The following ZNF91 variants were observed in gnomAD, a reference collection of about 807,000 sequenced individuals.
ZNF91 encodes zinc finger protein 91 (HPF7, HTF10).
ZNF91 carries 7 observed loss-of-function variants against 12.6 expected under a neutral mutation model. The observed-to-expected ratio is 0.55, with a 90% confidence interval of 0.31 to 1.04. The LOEUF (loss-of-function observed/expected upper bound fraction) is 1.04. Among genes scored for constraint, ZNF91 ranks in the 50% least tolerant of loss-of-function variants. The probability of loss-of-function intolerance (pLI) is 0.05; values close to 1 mark genes in which losing one functional copy is unlikely to be tolerated. For synonymous variants in ZNF91, 453 were observed against 462.6 expected (o/e 0.98, Z 0.27); for missense variants, 1,217 against 1,385.4 (o/e 0.88, Z 1.93).
At chr19:23,352,816 C>T (rs149814651), downstream of ZNF91, among the ~76,000 whole-genome samples, 7 of 152,230 alleles carry the variant, frequency 4.6e-5, no homozygotes, top group South Asian at 4.1e-4. Context: ...TATTCTTATA[C>T]CAGACAAAAC....
intron 3 of ZNF91, among the ~76,000 whole-genome samples, chr19:23,350,410 T>G (rs751291722): frequency 9.9e-5 from 15 of 152,258 alleles, no homozygotes; most frequent in Middle Eastern, 3.4e-3. Flanking sequence ...CCATTAAAAC[T>G]CTTATTGAAA....
intron 3 of ZNF91, among the ~76,000 whole-genome samples, chr19:23,370,468 A>C (rs900372966): frequency 2.6e-5 from 4 of 152,208 alleles, no homozygotes; most frequent in African/African-American, 9.6e-5. Context: ...AGTCTTTTGC[A>C]TAACAATGTT....
chr19:23,381,507 G>C (rs985004679), intron 1 of ZNF91, among the ~76,000 whole-genome samples: 1 of 149,550 alleles, frequency 6.7e-6, no homozygotes, highest in Non-Finnish European at 1.5e-5. Flanking sequence ...CATTGCCCAG[G>C]CTGGAGTGCA....
intron 1 of ZNF91, among the ~76,000 whole-genome samples, chr19:23,316,685 A>G (rs529289644): frequency 1.3e-5 from 2 of 152,314 alleles, no homozygotes; most frequent in Non-Finnish European, 2.9e-5. Flanking sequence ...CATGCCACAC[A>G]TCAGCCAATA....
intron 2 of ZNF91, 64 bp from the exon 3 acceptor site, chr19:23,373,901 G>T: frequency 8.3e-7 from 1 of 1,199,516 alleles, no homozygotes; most frequent in Non-Finnish European, 1.2e-6. Context: ...ACTTAGTAAT[G>T]TGCTCAGTAA....
At chr19:23,338,179 T>A (rs1332404440), downstream of ZNF91, 1 of 151,906 alleles carries the variant, frequency 6.6e-6, no homozygotes, top group Non-Finnish European at 1.5e-5. Context: ...ATAAACAAAA[T>A]ATATTGCAAA....
At chr19:23,355,997 C>T (rs951705477), downstream of ZNF91, among the ~76,000 whole-genome samples, 2 of 152,108 alleles carry the variant, frequency 1.3e-5, no homozygotes, top group Admixed American at 6.6e-5. Context: ...GATCAAACAA[C>T]TAGATGTTGG....
chr19:23,370,083 CATT>C (rs1267517609), intron 3 of ZNF91, among the ~76,000 whole-genome samples: 1 of 150,680 alleles, frequency 6.6e-6, no homozygotes, highest in Non-Finnish European at 1.5e-5. Context: ...AGGATGCACC[CATT>C]ATTTTATAAT....
downstream of ZNF91, among the ~76,000 whole-genome samples, chr19:23,334,400 G>T (rs76396286): frequency 0.027 from 4,040 of 152,218 alleles, 141 homozygotes; most frequent in African/African-American, 0.087. Flanking sequence ...TAACGTTTTA[G>T]AAAGTTTAAG....
Position 23,359,756 on chromosome 19 carries a change from C to T in ZNF91, c.3223G>A (p.Glu1075Lys), listed in dbSNP as rs774393460. The part of the protein sequence containing the change: ...LNGHKRIHTR[E>K]KPYKCEECGK... ...CATTCTTCACATTTGTAGGGTTTCT[C>T]TCTAGTATGAATTCTCTTATGTCCA... Residue 1075 changes from glutamate (E) to lysine (K), a missense_variant, in exon 4 of 4, where the codon GAG becomes AAG. Glu to Lys is a moderately conservative substitution (Grantham distance 56). Around this residue, in one of 2 missense-constraint regions of ZNF91, gnomAD observed 491 missense variants for 489.8 expected, o/e 1.00. Transcript: ENST00000300619. 1 of 1,613,916 alleles carries T rather than the reference C, an allele frequency of 6.2e-7. No individual in the cohort carries two copies. Among genetic ancestry groups the T allele is most frequent in the Non-Finnish European group, 8.5e-7 (1 of 1,179,982 alleles).
chr19:23,391,853 C>T (rs776195348), intron 1 of ZNF91, among the ~76,000 whole-genome samples: 1 of 152,026 alleles, frequency 6.6e-6, no homozygotes. Context: ...AGGCTCAAGC[C>T]TGCAAAAGGC....
intron 3 of ZNF91, among the ~76,000 whole-genome samples, chr19:23,369,228 T>C (rs578154575): frequency 6.6e-6 from 1 of 152,002 alleles, no homozygotes; most frequent in East Asian, 1.9e-4. Context: ...GAGAATCGCT[T>C]GAACCCAGGA....
upstream of ZNF91, among the ~76,000 whole-genome samples, chr19:23,315,414 G>C (rs1410859777): frequency 3.3e-5 from 5 of 152,202 alleles, no homozygotes; most frequent in African/African-American, 9.6e-5. Context: ...GCAGCTAGGT[G>C]TTGTGACTCT....
rs190273509 is a variant in ZNF91 at position 23,360,978 on chromosome 19, A to G, written c.2001T>C (p.Phe667=). ...PYKCKECGKA[F]SNSSTLANHK... Reference sequence around the variant, plus strand: ...GATTAGCAAGGGTTGAGGAATTGCTAAAAGCTTTGCCACATTCTTTACATT... The same window carrying G: ...GATTAGCAAGGGTTGAGGAATTGCTGAAAGCTTTGCCACATTCTTTACATT... The change falls in exon 4 of 4, where the codon TTT becomes TTC. Residue 667 remains phenylalanine (F), a synonymous_variant. Transcript: ENST00000300619. The G allele has an allele frequency of 7.2e-4, 1,161 of 1,613,712 alleles. 14 individuals are homozygous for G. In the East Asian group the frequency reaches 0.023, roughly 31 times the overall value.
chr19:23,390,996 A>G (rs2145142289), intron 1 of ZNF91, among the ~76,000 whole-genome samples: 1 of 152,342 alleles, frequency 6.6e-6, no homozygotes, highest in South Asian at 2.1e-4. Flanking sequence ...ATGAGAGAAT[A>G]ATTTGTATTT....
intron 3 of ZNF91, among the ~76,000 whole-genome samples, chr19:23,340,295 A>G (rs1968094848): frequency 6.6e-6 from 1 of 152,216 alleles, no homozygotes. Flanking sequence ...AGCTAGATTA[A>G]CCACAAATAG....
intron 1 of ZNF91, among the ~76,000 whole-genome samples, chr19:23,375,381 G>C (rs970758965): frequency 6.6e-6 from 1 of 151,964 alleles, no homozygotes; most frequent in Admixed American, 6.6e-5. Flanking sequence ...GGATGGTCTC[G>C]ATCTCCTGAC....
At chr19:23,354,042 A>G (rs1011572841), downstream of ZNF91, among the ~76,000 whole-genome samples, 11 of 152,322 alleles carry the variant, frequency 7.2e-5, no homozygotes, top group Middle Eastern at 3.4e-3. Context: ...AATTCTTTTG[A>G]CACTATTCCA....
At chr19:23,365,009 A>G (rs1259062745) in intron 3 of ZNF91, among the ~76,000 whole-genome samples, 1 of 152,188 alleles carries the variant, frequency 6.6e-6, no homozygotes, top group African/African-American at 2.4e-5. Flanking sequence ...ACAAAAATAT[A>G]CAATTGCAAA....
Sources: gnomAD v4.1 joint callset for allele counts (sites outside exome capture counted in the v4.1 genomes callset) on GRCh38, gnomAD v4.1.1 for gene constraint, gnomAD v4.1.1 regional missense constraint, MANE v1.5 for transcripts, NCBI Gene and HGNC (gene_info 2026-07-23, HGNC 2026-07-21) for gene names.